NFATC2: variants seen among roughly 807,000 people sequenced by gnomAD.
NFATC2 encodes nuclear factor of activated T-cells, cytoplasmic 2.
In NFATC2, 22 loss-of-function variants were observed where a neutral mutation model predicts 87.3. The ratio of observed to expected loss-of-function variants is 0.25; its 90% CI spans 0.18 to 0.36. The LOEUF (loss-of-function observed/expected upper bound fraction) is 0.36, where lower values mean the gene tolerates loss of function less well. Among genes scored for constraint, NFATC2 ranks in the 10% least tolerant of loss-of-function variants. NFATC2 has a pLI of 1.00. For synonymous variants in NFATC2, 565 were observed against 542.2 expected (o/e 1.04, Z -0.58); for missense variants, 1,149 against 1,259.1 (o/e 0.91, Z 1.32).
At chr20:51,418,072 C>T (rs542378296) in intron 9 of NFATC2, among the ~76,000 whole-genome samples, 2 of 152,308 alleles carry the variant, frequency 1.3e-5, no homozygotes, top group African/African-American at 2.4e-5. Context: ...TCTTCTGACC[C>T]TGGGGCCCCT....
At chr20:51,445,904 G>A (rs568399259) in intron 6 of NFATC2, among the ~76,000 whole-genome samples, 4 of 152,300 alleles carry the variant, frequency 2.6e-5, no homozygotes, top group South Asian at 2.1e-4. Flanking sequence ...CACAGAGGTC[G>A]GATTTCAGCT....
At chr20:51,491,654 G>A (rs530203942) in intron 3 of NFATC2, among the ~76,000 whole-genome samples, 1 of 152,142 alleles carries the variant, frequency 6.6e-6, no homozygotes, top group African/African-American at 2.4e-5. Context: ...ACATAGGTCA[G>A]AACAACATGT....
rs142500474 is a variant in NFATC2, at chr20:51,550,773, T to G, written c.70+11787A>C. ...CTACTTTATAATGAGGTGTTGAATA[T>G]CTTCTGTAATTTATTGAATACTATA... On this transcript the variant is annotated intron_variant, in intron 1 of 10. Transcript: ENST00000414705. Among the ~76,000 whole-genome samples, 444 of 152,246 alleles carry G rather than the reference T, an allele frequency of 2.9e-3. 2 individuals carry two copies. The highest frequency in any genetic ancestry group is 0.01 in the African/African-American group (422 of 41,524).
chr20:51,504,606 A>T (rs112395624), intron 3 of NFATC2, among the ~76,000 whole-genome samples: 1 of 152,248 alleles, frequency 6.6e-6, no homozygotes, highest in Admixed American at 6.5e-5. Flanking sequence ...ACAAAAACAA[A>T]CAAACAAAAT....
chr20:51,408,461 C>T (rs913402532), intron 9 of NFATC2, among the ~76,000 whole-genome samples: 1 of 149,656 alleles, frequency 6.7e-6, no homozygotes, highest in South Asian at 2.1e-4. Context: ...TTGCAGTGAG[C>T]CGAGATCGCG....
intron 1 of NFATC2, among the ~76,000 whole-genome samples, chr20:51,540,667 T>TTTTTTTTTTTTTTTTTG (rs1555818370): frequency 2.0e-5 from 3 of 147,232 alleles, no homozygotes; most frequent in Non-Finnish European, 3.0e-5. Flanking sequence ...TGTTTTTTTT[T>TTTTTTTTTTTTTTTTTG]TTTTGAGAAA....
intron 10 of NFATC2, among the ~76,000 whole-genome samples, chr20:51,396,940 T>A (rs2146216652): frequency 6.6e-6 from 1 of 151,814 alleles, no homozygotes; most frequent in Admixed American, 6.6e-5. Context: ...TTTTTTTGAG[T>A]CTCCCTCCGT....
At chr20:51,545,402 G>A (rs1001863195), upstream of NFATC2, among the ~76,000 whole-genome samples, 5 of 152,208 alleles carry the variant, frequency 3.3e-5, no homozygotes, top group African/African-American at 1.2e-4. Context: ...AAGCAACGAA[G>A]TGGATGAATG....
At chr20:51,422,569 CTTTT>C (rs5841843) in intron 9 of NFATC2, among the ~76,000 whole-genome samples, 1 of 140,958 alleles carries the variant, frequency 7.1e-6, no homozygotes. Context: ...GAAAACCCCT[CTTTT>C]TTTTTTTTTT....
In NFATC2 at chr20:51,432,556, G is replaced by T. The variant is rs752928870; in HGVS notation, c.2233C>A (p.Gln745Lys). 1.0e-5 allele frequency: 16 copies of T among 1,541,284 alleles called. No individual in the cohort carries two copies. The highest frequency in any genetic ancestry group is 2.0e-5 in the Admixed American group (1 of 49,134). ...LSSPDARYQQ[Q>K]NPAAVLYQRS... The stretch of plus-strand genomic sequence containing the variant: ...TGGTAGAGTACGGCCGCTGGGTTCT[G>T]TTGCTGGTAGCGGGCGTCAGGGGAT... Residue 745 changes from glutamine (Q) to lysine (K), a missense_variant, in exon 9 of 11, where the codon CAG (glutamine) becomes AAG (lysine). By Grantham distance (53) the Gln-to-Lys change is moderately conservative. This residue lies in a region of NFATC2 where 581 missense variants were observed against 649.7 expected (regional missense o/e 0.89). Transcript: ENST00000371564. This position sits in a 1 kb window ranked among gnomAD's most constrained non-coding sequence, Gnocchi z 4.6.
intron 10 of NFATC2, among the ~76,000 whole-genome samples, chr20:51,395,328 T>A (rs1986902450): frequency 2.0e-5 from 1 of 49,916 alleles, no homozygotes; most frequent in African/African-American, 1.1e-4. Context: ...TTGTATGGTA[T>A]TGATCCTTTA....
At position 51,542,367 on chromosome 20, in the gene NFATC2, G is replaced by A. The variant is rs1188760603; in HGVS notation, c.130+3C>T. ...GGCCAGGCCAGGGGTAGCCTCCACC[G>A]ACCTTCGTTCGGATTCAAATACTCA... On this transcript the variant is annotated splice_donor_region_variant and intron_variant, in intron 1 of 10. Transcript: ENST00000371564. 9 of 1,605,816 alleles carry A rather than the reference G, an allele frequency of 5.6e-6. No homozygotes were observed. Among genetic ancestry groups the A allele is most frequent in the African/African-American group, 2.7e-5 (2 of 73,674 alleles).
chr20:51,518,213 A>G (rs1394136315), intron 2 of NFATC2, among the ~76,000 whole-genome samples: 1 of 152,208 alleles, frequency 6.6e-6, no homozygotes, highest in African/African-American at 2.4e-5. Flanking sequence ...GGGAATTTTG[A>G]AAAGCATCAC....
intron 3 of NFATC2, among the ~76,000 whole-genome samples, chr20:51,500,232 A>G (rs937624233): frequency 1.3e-5 from 2 of 152,192 alleles, no homozygotes; most frequent in Non-Finnish European, 2.9e-5. Flanking sequence ...TACATGAATC[A>G]GACACACCAG....
At chr20:51,472,531 G>T (rs1988304003) in intron 5 of NFATC2, among the ~76,000 whole-genome samples, 1 of 150,642 alleles carries the variant, frequency 6.6e-6, no homozygotes, top group South Asian at 2.1e-4. Flanking sequence ...AACATGATTA[G>T]AACAGCATGA....
chr20:51,562,822 T>C (rs2077044637), upstream of NFATC2: 6 of 551,768 alleles, frequency 1.1e-5, no homozygotes, highest in Admixed American at 1.6e-4. The surrounding 1 kb of genome is among the most constrained non-coding windows in gnomAD (Gnocchi z 5.8). Context: ...GCGATCCGGC[T>C]TACTCCAGAG....
intron 5 of NFATC2, among the ~76,000 whole-genome samples, chr20:51,471,377 C>T (rs887102240): frequency 6.6e-6 from 1 of 152,200 alleles, no homozygotes; most frequent in East Asian, 1.9e-4. Flanking sequence ...AAAACCAAGA[C>T]CTTGGTGGGG....
At position 51,523,122 on chromosome 20, in the gene NFATC2, G is replaced by T. The variant is rs201571823; in HGVS notation, c.1119C>A (p.Pro373=). ...CAGGCACCAGCGGCTTGGGCCAAGT[G>T]GGCGGAACCAGCAGGATGGATTCTG... ...SAPESILLVP[P]TWPKPLVPAI... The change falls in exon 2 of 11, where the codon CCC becomes CCA. Residue 373 remains proline (P), a synonymous_variant. Coordinates refer to ENST00000371564, the MANE Select transcript of NFATC2 (RefSeq NM_012340.5). This position sits in a 1 kb window ranked among gnomAD's most constrained non-coding sequence, Gnocchi z 6.9. 1 of 1,614,246 alleles carries T rather than the reference G, an allele frequency of 6.2e-7. No individual in the cohort carries two copies. Among genetic ancestry groups the T allele is most frequent in the Non-Finnish European group, 8.5e-7 (1 of 1,180,044 alleles).
chr20:51,407,061 C>T (rs1978431541), intron 9 of NFATC2, among the ~76,000 whole-genome samples: 1 of 152,206 alleles, frequency 6.6e-6, no homozygotes, highest in Non-Finnish European at 1.5e-5. Flanking sequence ...GTCAAGCCTG[C>T]TCACGCCCCA....
Sources: gnomAD v4.1 joint callset for allele counts (sites outside exome capture counted in the v4.1 genomes callset) on GRCh38, gnomAD v4.1.1 for gene constraint, gnomAD v4.1.1 regional missense constraint, Gnocchi (gnomAD v3.1) non-coding constraint, MANE v1.5 for transcripts, NCBI Gene and HGNC (gene_info 2026-07-23, HGNC 2026-07-21) for gene names.